Variants in PCDH11X observed in about 807,000 individuals in gnomAD.
PCDH11X encodes the protein protocadherin-11 X-linked.
A neutral mutation model predicts 53.3 loss-of-function variants in PCDH11X; 18 were observed. The ratio of observed to expected loss-of-function variants is 0.34; its 90% CI spans 0.23 to 0.50. The LOEUF (loss-of-function observed/expected upper bound fraction) is 0.50, where lower values mean the gene tolerates loss of function less well. PCDH11X is among the 20% of genes least tolerant of loss of function. PCDH11X has a pLI of 0.98. For synonymous variants in PCDH11X, 279 were observed against 393.3 expected (o/e 0.71, Z 3.44); for missense variants, 570 against 1,032.4 (o/e 0.55, Z 6.14).
intron 6 of PCDH11X, among the ~76,000 whole-genome samples, chrX:92,169,298 CA>C (rs1304004109): frequency 1.6e-5 from 1 of 62,181 alleles, no homozygotes; most frequent in Admixed American, 1.8e-4. Context: ...TCAGAGCTTA[CA>C]AAAAAATGCT....
chrX:92,547,695 A>AT (rs1267139607), intron 10 of PCDH11X, among the ~76,000 whole-genome samples: 2 of 110,149 alleles, frequency 1.8e-5, no homozygotes, highest in Non-Finnish European at 3.8e-5. Flanking sequence ...ATAGTTGTAC[A>AT]TTTTTTTCTA....
intron 7 of PCDH11X, among the ~76,000 whole-genome samples, chrX:92,245,169 G>A (rs6618931): frequency 0.032 from 3,652 of 112,510 alleles, 120 homozygotes; most frequent in East Asian, 0.22. Context: ...CGCCTGAGGC[G>A]GATGAGCCTC....
At chrX:92,350,063 A>G (rs983522769) in intron 8 of PCDH11X, among the ~76,000 whole-genome samples, 1 of 110,784 alleles carries the variant, frequency 9.0e-6, no homozygotes, top group Non-Finnish European at 1.9e-5. Context: ...TGCCTTCAAC[A>G]TATACACTGA....
At chrX:92,301,742 G>T (rs765186839) in intron 8 of PCDH11X, among the ~76,000 whole-genome samples, 68 of 105,326 alleles carry the variant, frequency 6.5e-4, no homozygotes, top group African/African-American at 2.4e-3. Context: ...TTCTTGTGTT[G>T]TCTTTGCCTG....
chrX:92,584,904 C>T (rs1924197299), intron 10 of PCDH11X, among the ~76,000 whole-genome samples: 1 of 104,700 alleles, frequency 9.6e-6, no homozygotes, highest in African/African-American at 3.6e-5. Flanking sequence ...AGTGATTCTC[C>T]TGCCTCTGCT....
intron 5 of PCDH11X, among the ~76,000 whole-genome samples, chrX:91,848,715 A>G (rs1000515169): frequency 9.0e-6 from 1 of 111,517 alleles, no homozygotes; most frequent in African/African-American, 3.3e-5. Flanking sequence ...AGGGTTTTGG[A>G]TATTATATAT....
At position 91,869,777 on chromosome X, in the gene PCDH11X, G is replaced by A. The variant is rs1254645960; in HGVS notation, c.541-7004G>A. Among the ~76,000 whole-genome samples, 9 of 111,163 alleles carry A rather than the reference G, an allele frequency of 8.1e-5. 1 individual carries two copies. Among genetic ancestry groups the A allele is most frequent in the Admixed American group, 1.9e-4 (2 of 10,400 alleles). On this transcript the variant is annotated intron_variant, in intron 5 of 10. Transcript: ENST00000682573. ...AGGCCAATTTGTATTTTAAACATTT[G>A]CATAATATTAAAGAGTTTTGCTGTA...
chrX:91,983,229 G>A (rs764024810), intron 6 of PCDH11X: 68 of 799,893 alleles, frequency 8.5e-5, no homozygotes, highest in Middle Eastern at 2.8e-4. Flanking sequence ...TTCAGTCCAC[G>A]TGCAAGCTGA....
intron 9 of PCDH11X, among the ~76,000 whole-genome samples, chrX:92,454,195 G>A (rs1448904771): frequency 2.9e-5 from 3 of 103,091 alleles, no homozygotes; most frequent in Non-Finnish European, 5.9e-5. Flanking sequence ...ATAATTATAT[G>A]TGTAGTGTAT....
At chrX:92,480,562 G>A (rs2073481372) in intron 10 of PCDH11X, among the ~76,000 whole-genome samples, 1 of 109,599 alleles carries the variant, frequency 9.1e-6, no homozygotes, top group African/African-American at 3.3e-5. Flanking sequence ...GGGTTTGGTT[G>A]TGGTACAAGC....
chrX:92,002,581 A>G lies in PCDH11X; in HGVS notation c.3033+123308A>G, dbSNP rs367654774. Among the ~76,000 whole-genome samples the G allele has an allele frequency of 3.6e-5, 4 of 109,602 alleles. No homozygotes were observed. In the East Asian group the frequency reaches 8.7e-4, roughly 24 times the overall value. ...GTGCACTCTTCAATTTATTTCATCG[A>G]TGTTTCATAGTTTTATCATAGAGGC... On this transcript the variant is annotated intron_variant, in intron 6 of 10. Transcript: ENST00000682573.
At chrX:92,391,751 A>G (rs2071133853) in intron 9 of PCDH11X, among the ~76,000 whole-genome samples, 1 of 111,046 alleles carries the variant, frequency 9.0e-6, no homozygotes, top group South Asian at 3.7e-4. Context: ...CACTATAGGT[A>G]AGTTGGATCT....
At chrX:91,959,203 C>T (rs1178169703) in intron 6 of PCDH11X, among the ~76,000 whole-genome samples, 1 of 107,322 alleles carries the variant, frequency 9.3e-6, no homozygotes, top group Non-Finnish European at 1.9e-5. Context: ...ATAAAGTGCA[C>T]AGCCTGATGA....
chrX:92,413,839 T>C (rs2071746295), intron 9 of PCDH11X, among the ~76,000 whole-genome samples: 1 of 107,358 alleles, frequency 9.3e-6, no homozygotes, highest in South Asian at 4.4e-4. Flanking sequence ...TATGTGTATG[T>C]ACAACTGAGC....
intron 10 of PCDH11X, among the ~76,000 whole-genome samples, chrX:92,560,662 C>A (rs2075118145): frequency 9.1e-6 from 1 of 110,129 alleles, no homozygotes; most frequent in Non-Finnish European, 1.9e-5. Context: ...CACCCATGAA[C>A]TGGCGGTGGT....
intron 6 of PCDH11X, among the ~76,000 whole-genome samples, chrX:91,996,179 T>C (rs1438830070): frequency 1.5e-5 from 1 of 64,855 alleles, no homozygotes; most frequent in Non-Finnish European, 2.8e-5. Context: ...GGAGGTTCAG[T>C]CTCCTCACCC....
chrX:92,158,069 A>C (rs2065571862), intron 6 of PCDH11X, among the ~76,000 whole-genome samples: 3 of 110,265 alleles, frequency 2.7e-5, no homozygotes, highest in South Asian at 7.8e-4. Flanking sequence ...ACAAAAAATC[A>C]CCTGGGCGTG....
At chrX:92,611,055 C>A (rs60120530) in intron 10 of PCDH11X, among the ~76,000 whole-genome samples, 2,117 of 108,709 alleles carry the variant, frequency 0.019, 26 homozygotes, top group Middle Eastern at 0.096. Context: ...GTTCTTTTTG[C>A]TTAGGATTAT....
At chrX:92,242,727 T>C (rs780375535) in intron 7 of PCDH11X, among the ~76,000 whole-genome samples, 1 of 111,552 alleles carries the variant, frequency 9.0e-6, no homozygotes, top group Non-Finnish European at 1.9e-5. Flanking sequence ...CCATCAGCAA[T>C]GTATGCTTGA....
Sources: gnomAD v4.1 joint callset for allele counts (sites outside exome capture counted in the v4.1 genomes callset) on GRCh38, gnomAD v4.1.1 for gene constraint, MANE v1.5 for transcripts, NCBI Gene and HGNC (gene_info 2026-07-23, HGNC 2026-07-21) for gene names.